COL7A1: variants seen among roughly 807,000 people sequenced by gnomAD.
COL7A1 encodes the protein collagen type VII alpha 1 chain.
COL7A1 carries 296 observed loss-of-function variants against 456.2 expected under a neutral mutation model. The ratio of observed to expected loss-of-function variants is 0.65; its 90% CI spans 0.59 to 0.71. COL7A1 has a LOEUF of 0.71. Ranked by LOEUF, COL7A1 falls within the 30% of genes least tolerant of loss-of-function variation. The probability of loss-of-function intolerance (pLI) is 0.00; values close to 1 mark genes in which losing one functional copy is unlikely to be tolerated. For synonymous variants in COL7A1, 1,464 were observed against 1,525.9 expected, an observed-to-expected ratio of 0.96 and a Z score of 0.95; for missense variants, 3,441 against 4,017.2, an observed-to-expected ratio of 0.86 and a Z score of 3.88.
rs1560215784 is a variant in COL7A1, at chr3:48,575,268, C to T, written c.6181-26G>A. 6.2e-7 allele frequency: 1 copy of T among 1,613,878 alleles called. No homozygotes were observed. Among genetic ancestry groups the T allele is most frequent in the Non-Finnish European group, 8.5e-7 (1 of 1,179,958 alleles). On this transcript the variant is annotated intron_variant, in intron 74 of 118. Coordinates refer to ENST00000681320, the MANE Select transcript of COL7A1 (RefSeq NM_000094.4). This position sits in a 1 kb window ranked among gnomAD's most constrained non-coding sequence, Gnocchi z 6.3. The stretch of plus-strand genomic sequence containing the variant: ...CTGAAATGCAAATAGCGGGTGAGGG[C>T]CAAGCCCATGGGGGGTCCCACCCCT...
rs751691247 is a variant in COL7A1 at position 48,575,359 on chromosome 3, C to T, written c.6160G>A (p.Ala2054Thr). 1 of 1,609,048 alleles carries T rather than the reference C, an allele frequency of 6.2e-7. No individual in the cohort carries two copies. The highest frequency in any genetic ancestry group is 8.5e-7 in the Non-Finnish European group (1 of 1,177,790). The part of the protein sequence containing the change: ...LPGRAGGVGE[A>T]GRPGERGERG... ...CTCACCCTCTCTCCTGGCCTTCCTGCCTCTCCCACACCCCCAGCCCTGCCT... is the reference window on the plus strand; with the variant it reads ...CTCACCCTCTCTCCTGGCCTTCCTGTCTCTCCCACACCCCCAGCCCTGCCT... Residue 2054 changes from alanine to threonine, a missense_variant, in exon 74 of 119, where the codon GCA becomes ACA. This residue lies in a region of COL7A1 where 2,084 missense variants were observed against 2,501.3 expected (regional missense o/e 0.83). Transcript: ENST00000681320. This position sits in a 1 kb window ranked among gnomAD's most constrained non-coding sequence, Gnocchi z 6.3.
chr3:48,565,771 G>A lies in COL7A1; in HGVS notation c.8408-103C>T, dbSNP rs2043580402. ...AGGCAGAGGGGTAGAGATACACAAA[G>A]AGATAGCAGGAGAGGGTAACAGGAG... On this transcript the variant is annotated intron_variant, in intron 114 of 118. Coordinates refer to ENST00000681320, the MANE Select transcript of COL7A1 (RefSeq NM_000094.4). This position sits in a 1 kb window ranked among gnomAD's most constrained non-coding sequence, Gnocchi z 4.5. 2.8e-6 allele frequency: 3 copies of A among 1,075,580 alleles called. No homozygotes were observed. Among genetic ancestry groups the A allele is most frequent in the Non-Finnish European group, 4.2e-6 (3 of 715,232 alleles). The allele number at this position is 1,075,580 out of a possible 1,614,324, so 66.6% of individuals were successfully genotyped here.
At position 48,565,419 on chromosome 3, in the gene COL7A1, C is replaced by T; in HGVS notation, c.8518G>A (p.Glu2840Lys). Residue 2840 changes from glutamate to lysine, a missense_variant, in exon 116 of 119, where the codon GAG becomes AAG. Coordinates refer to ENST00000681320, the MANE Select transcript of COL7A1 (RefSeq NM_000094.4). The surrounding 1 kb of genome is among the most constrained non-coding windows in gnomAD (Gnocchi z 4.5). ...AVPVLRVSHA[E>K]EEERVPPEDD... Reference sequence around the variant, plus strand: ...GTTCAGCTGTCCTCACCTTCCTCCTCTGCATGAGAGACGCGGAGCACAGGC... The same window carrying T: ...GTTCAGCTGTCCTCACCTTCCTCCTTTGCATGAGAGACGCGGAGCACAGGC... The T allele has an allele frequency of 2.5e-6, 4 of 1,610,016 alleles. No individual in the cohort carries two copies. Among genetic ancestry groups the T allele is most frequent in the Non-Finnish European group, 3.4e-6 (4 of 1,178,254 alleles).
At chr3:48,584,876 A>G (rs1170921369) in intron 34 of COL7A1, 34 bp downstream of exon 34, 1 of 1,613,930 alleles carries the variant, frequency 6.2e-7, no homozygotes, top group Non-Finnish European at 8.5e-7. Flanking sequence ...CCCTGGGAAG[A>G]CACTTAGAGA....
rs1342434704 is a variant in COL7A1 at position 48,573,885 on chromosome 3, C to G, written c.6507G>C (p.Leu2169=). The G allele has an allele frequency of 6.2e-7, 1 of 1,613,624 alleles. No homozygotes were observed. Among genetic ancestry groups the G allele is most frequent in the Non-Finnish European group, 8.5e-7 (1 of 1,179,978 alleles). Residue 2169 remains leucine (L), a synonymous_variant, in exon 81 of 119, where the codon CTG becomes CTC. Transcript: ENST00000681320. This position sits in a 1 kb window ranked among gnomAD's most constrained non-coding sequence, Gnocchi z 5.5. ...GGCCAGGGGGGCCTCTTGGACCCTG[C>G]AGACCCTACATAGAGAGGGCACTGA... ...GMAGPEGKPG[L]QGPRGPPGPV...
At position 48,576,230 on chromosome 3, in the gene COL7A1, C is replaced by T; in HGVS notation, c.5820+19G>A. ...GGCATGCAAAACAGAGTCAAGGGGACATCCCAAGCCTGGCTCACCGGCACA... is the reference window on the plus strand; with the variant it reads ...GGCATGCAAAACAGAGTCAAGGGGATATCCCAAGCCTGGCTCACCGGCACA... On this transcript the variant is annotated intron_variant, in intron 71 of 118. Transcript: ENST00000681320. The T allele has an allele frequency of 6.2e-7, 1 of 1,613,354 alleles. No homozygotes were observed. The highest frequency in any genetic ancestry group is 8.5e-7 in the Non-Finnish European group (1 of 1,180,012).
rs2107648032 is a variant in COL7A1, at chr3:48,570,773, C to A, written c.7273-63G>T. On this transcript the variant is annotated intron_variant, in intron 95 of 118. Transcript: ENST00000681320. This position sits in a 1 kb window ranked among gnomAD's most constrained non-coding sequence, Gnocchi z 5.5. ...TTGGGAACCCTCCTACCCTCTGCCCCCTCAAGACTGGGAACCCCCAAGGCA... is the reference window on the plus strand; with the variant it reads ...TTGGGAACCCTCCTACCCTCTGCCCACTCAAGACTGGGAACCCCCAAGGCA... 2 of 1,557,550 alleles carry A rather than the reference C, an allele frequency of 1.3e-6. No homozygotes were observed. The highest frequency in any genetic ancestry group is 2.1e-4 in the Middle Eastern group (1 of 4,820).
Position 48,580,600 on chromosome 3 carries a change from G to A in COL7A1, c.5033C>T (p.Pro1678Leu). ...PVGEKGDQGD[P>L]GEDGRNGSPG... ...ACTCACATTTCGTCCATCCTCTCCA[G>A]GATCTCCCTGGTCTCCCTTTTCACC... Residue 1678 changes from proline (P) to leucine (L), a missense_variant, in exon 55 of 119, where the codon CCT becomes CTT. Coordinates refer to ENST00000681320, the MANE Select transcript of COL7A1 (RefSeq NM_000094.4). This position sits in a 1 kb window ranked among gnomAD's most constrained non-coding sequence, Gnocchi z 4.5. 1 of 1,613,914 alleles carries A rather than the reference G, an allele frequency of 6.2e-7. No individual in the cohort carries two copies. The highest frequency in any genetic ancestry group is 8.5e-7 in the Non-Finnish European group (1 of 1,179,956).
At position 48,585,052 on chromosome 3, in the gene COL7A1, C is replaced by T. The variant is rs2045139246; in HGVS notation, c.3959G>A (p.Gly1320Glu). The T allele has an allele frequency of 6.2e-7, 1 of 1,612,816 alleles. No individual in the cohort carries two copies. The highest frequency in any genetic ancestry group is 8.5e-7 in the Non-Finnish European group (1 of 1,179,908). The part of the protein sequence containing the change: ...PGRAGNPGTP[G>E]APGLKGSPGL... ...CTTGCTCACCTTTAGGCCAGGGGCTCCAGGGGTCCCAGGATTCCCGGCGCG... is the reference window on the plus strand; with the variant it reads ...CTTGCTCACCTTTAGGCCAGGGGCTTCAGGGGTCCCAGGATTCCCGGCGCG... Residue 1320 changes from glycine (G) to glutamate (E), a missense_variant, in exon 33 of 119, where the codon GGA becomes GAA. Physicochemically the swap from Gly to Glu is moderately conservative, Grantham distance 98 (BLOSUM62 -2). This residue lies in a region of COL7A1 where 2,084 missense variants were observed against 2,501.3 expected (regional missense o/e 0.83). Transcript: ENST00000681320. The surrounding 1 kb of genome is among the most constrained non-coding windows in gnomAD (Gnocchi z 4.5).
Position 48,583,480 on chromosome 3 carries a change from G to A in COL7A1, c.4402-52C>T. On this transcript the variant is annotated intron_variant, in intron 41 of 118. Coordinates refer to ENST00000681320, the MANE Select transcript of COL7A1 (RefSeq NM_000094.4). The surrounding 1 kb of genome is among the most constrained non-coding windows in gnomAD (Gnocchi z 5.1). ...GAGATTTGGGTTTGGGCATGAGGATGGAGCAGTGGTTGATGATTGAGGTAG... is the reference window on the plus strand; with the variant it reads ...GAGATTTGGGTTTGGGCATGAGGATAGAGCAGTGGTTGATGATTGAGGTAG... 3.1e-6 allele frequency: 5 copies of A among 1,613,886 alleles called. No individual in the cohort carries two copies. The highest frequency in any genetic ancestry group is 4.2e-6 in the Non-Finnish European group (5 of 1,179,816).
Position 48,568,713 on chromosome 3 carries a change from C to A in COL7A1, c.7758+71G>T. The A allele has an allele frequency of 1.3e-6, 2 of 1,516,668 alleles. No homozygotes were observed. The highest frequency in any genetic ancestry group is 1.8e-6 in the Non-Finnish European group (2 of 1,116,566). The allele number at this position is 1,516,668 out of a possible 1,614,324, so 94.0% of individuals were successfully genotyped here. A position where few individuals can be genotyped will look rare whatever the true frequency, so the allele number is the denominator to read the frequency against. On this transcript the variant is annotated intron_variant, in intron 104 of 118. Coordinates refer to ENST00000681320, the MANE Select transcript of COL7A1 (RefSeq NM_000094.4). The surrounding 1 kb of genome is among the most constrained non-coding windows in gnomAD (Gnocchi z 5.2). ...CAGAACCCCCAGCACTTAAGAGGAC[C>A]CCCAGGATATGTGTGTGTGTGATGC...
Position 48,588,531 on chromosome 3 carries a change from C to T in COL7A1, c.2587+111G>A. 2 of 1,606,182 alleles carry T rather than the reference C, an allele frequency of 1.2e-6. No homozygotes were observed. Among genetic ancestry groups the T allele is most frequent in the East Asian group, 2.2e-5 (1 of 44,842 alleles). On this transcript the variant is annotated intron_variant, in intron 20 of 118. Transcript: ENST00000681320. This position sits in a 1 kb window ranked among gnomAD's most constrained non-coding sequence, Gnocchi z 4.6. ...CCTCTCCCTCCTCTCAGACCCTGCC[C>T]CCAAAGGCTCACTACCAATCCTGGT...
chr3:48,585,687 C>A lies in COL7A1; in HGVS notation c.3831+3G>T, dbSNP rs767241808. On this transcript the variant is annotated splice_donor_region_variant and intron_variant, in intron 31 of 118. Coordinates refer to ENST00000681320, the MANE Select transcript of COL7A1 (RefSeq NM_000094.4). This position sits in a 1 kb window ranked among gnomAD's most constrained non-coding sequence, Gnocchi z 4.5. ...TGCAGGGACAGATGTGGGGGACACTCACCGGGAGGCCAGGGTCGCCAGGAG... is the reference window on the plus strand; with the variant it reads ...TGCAGGGACAGATGTGGGGGACACTAACCGGGAGGCCAGGGTCGCCAGGAG... The A allele has an allele frequency of 2.5e-6, 4 of 1,613,930 alleles. No individual in the cohort carries two copies. The highest frequency in any genetic ancestry group is 2.5e-6 in the Non-Finnish European group (3 of 1,180,000).
rs1192221918 is a variant in COL7A1 at position 48,580,522 on chromosome 3, T to C, written c.5052+59A>G. ...AGGGTTGGGGGGTAGGATCAGGTAT[T>C]GGGAATTGGCTGGTTGGAGGGTTAA... On this transcript the variant is annotated intron_variant, in intron 55 of 118. Coordinates refer to ENST00000681320, the MANE Select transcript of COL7A1 (RefSeq NM_000094.4). The surrounding 1 kb of genome is among the most constrained non-coding windows in gnomAD (Gnocchi z 4.5). 6.3e-7 allele frequency: 1 copy of C among 1,579,452 alleles called. No homozygotes were observed. The highest frequency in any genetic ancestry group is 2.3e-5 in the East Asian group (1 of 44,254).
chr3:48,572,750 G>A lies in COL7A1; in HGVS notation c.6832-11C>T, dbSNP rs945412535. The A allele has an allele frequency of 6.2e-7, 1 of 1,610,616 alleles. No homozygotes were observed. Among genetic ancestry groups the A allele is most frequent in the Non-Finnish European group, 8.5e-7 (1 of 1,178,470 alleles). ...CAGACCTGGTGACCCCTATGGCAGAGCAGCGTGAGGAACTCAGTGCCTCTC... is the reference window on the plus strand; with the variant it reads ...CAGACCTGGTGACCCCTATGGCAGAACAGCGTGAGGAACTCAGTGCCTCTC... On this transcript the variant is annotated splice_polypyrimidine_tract_variant and intron_variant, in intron 87 of 118. Coordinates refer to ENST00000681320, the MANE Select transcript of COL7A1 (RefSeq NM_000094.4). This position sits in a 1 kb window ranked among gnomAD's most constrained non-coding sequence, Gnocchi z 4.6.
At position 48,593,284 on chromosome 3, in the gene COL7A1, G is replaced by A; in HGVS notation, c.521-21C>T. 6.2e-7 allele frequency: 1 copy of A among 1,614,050 alleles called. No individual in the cohort carries two copies. Among genetic ancestry groups the A allele is most frequent in the Non-Finnish European group, 8.5e-7 (1 of 1,180,010 alleles). ...GATCCCTGAAGTGACGACCCATCAGGACTCAGTCACCCACATGCTCTCTGA... is the reference window on the plus strand; with the variant it reads ...GATCCCTGAAGTGACGACCCATCAGAACTCAGTCACCCACATGCTCTCTGA... On this transcript the variant is annotated intron_variant, in intron 5 of 118. Transcript: ENST00000681320. This position sits in a 1 kb window ranked among gnomAD's most constrained non-coding sequence, Gnocchi z 4.4.
chr3:48,594,312 G>T lies in COL7A1; in HGVS notation c.266+56C>A. 1 of 1,587,286 alleles carries T rather than the reference G, an allele frequency of 6.3e-7. No individual in the cohort carries two copies. On this transcript the variant is annotated intron_variant, in intron 3 of 118. Transcript: ENST00000681320. The surrounding 1 kb of genome is among the most constrained non-coding windows in gnomAD (Gnocchi z 5.5). ...GTTTCCAGGGTCTCCTCCCTCTCTG[G>T]GGAAGGAGTCTTGGTGGGGATCTCG...
intron 1 of COL7A1, 38 bp downstream of exon 1, chr3:48,595,230 C>T: frequency 1.5e-6 from 2 of 1,308,058 alleles, no homozygotes; most frequent in South Asian, 1.3e-5. Context: ...TTGGCAGGTC[C>T]GAGCCCAGCG....
rs1445919187 is a variant in COL7A1, at chr3:48,579,539, C to A, written c.5236-24G>T. 6.2e-7 allele frequency: 1 copy of A among 1,613,920 alleles called. No individual in the cohort carries two copies. Among genetic ancestry groups the A allele is most frequent in the East Asian group, 2.2e-5 (1 of 44,856 alleles). On this transcript the variant is annotated intron_variant, in intron 59 of 118. Transcript: ENST00000681320. This position sits in a 1 kb window ranked among gnomAD's most constrained non-coding sequence, Gnocchi z 4.4. ...CCCTGAGGATAGGGGAGGAAGAAAT[C>A]AGAGCAGGCCCTCCCATGCCTGCAC... is the stretch of plus-strand genomic sequence containing the variant.
Sources: gnomAD v4.1 joint callset for allele counts on GRCh38, gnomAD v4.1.1 for gene constraint, gnomAD v4.1.1 regional missense constraint, Gnocchi (gnomAD v3.1) non-coding constraint, MANE v1.5 for transcripts, NCBI Gene and HGNC (gene_info 2026-07-23, HGNC 2026-07-21) for gene names.